Variants in TTC28 observed in about 807,000 individuals in gnomAD.
TTC28 encodes the protein tetratricopeptide repeat domain 28.
A neutral mutation model predicts 198.0 loss-of-function variants in TTC28; 61 were observed. The observed-to-expected ratio is 0.31, with a 90% confidence interval of 0.25 to 0.38. TTC28 has a LOEUF of 0.38. Among genes scored for constraint, TTC28 ranks in the 10% least tolerant of loss-of-function variants. The probability of loss-of-function intolerance (pLI) is 1.00; values close to 1 mark genes in which losing one functional copy is unlikely to be tolerated. For synonymous variants in TTC28, 1,171 were observed against 1,297.8 expected (o/e 0.90, Z 2.10); for missense variants, 2,678 against 3,164.0 (o/e 0.85, Z 3.69).
intron 3 of TTC28, among the ~76,000 whole-genome samples, chr22:28,305,960 T>A (rs1027595469): frequency 9.2e-5 from 14 of 152,166 alleles, no homozygotes; most frequent in African/African-American, 3.4e-4. Flanking sequence ...CTGGTATCTG[T>A]CTTGTTTTTT....
At chr22:28,487,792 T>C (rs2048330244) in intron 2 of TTC28, among the ~76,000 whole-genome samples, 3 of 152,200 alleles carry the variant, frequency 2.0e-5, no homozygotes, top group Non-Finnish European at 2.9e-5. Context: ...TTATGACTTA[T>C]AAAGCCAAGT....
chr22:28,378,071 G>A (rs966271662), intron 2 of TTC28, among the ~76,000 whole-genome samples: 1 of 152,210 alleles, frequency 6.6e-6, no homozygotes, highest in Non-Finnish European at 1.5e-5. Context: ...GCCAGGTGAG[G>A]TGGCTCACGC....
intron 5 of TTC28, among the ~76,000 whole-genome samples, chr22:28,266,266 T>G (rs1931678923): frequency 6.6e-6 from 1 of 152,152 alleles, no homozygotes; most frequent in Non-Finnish European, 1.5e-5. Flanking sequence ...CTAGTCACTC[T>G]TAGTCCCGTT....
At chr22:28,405,882 G>T (rs1358391186) in intron 2 of TTC28, among the ~76,000 whole-genome samples, 1 of 152,224 alleles carries the variant, frequency 6.6e-6, no homozygotes, top group African/African-American at 2.4e-5. Flanking sequence ...TTAAAAGTGG[G>T]TATAAATATG....
intron 5 of TTC28, among the ~76,000 whole-genome samples, chr22:28,185,971 T>C (rs1224839098): frequency 6.6e-6 from 1 of 152,104 alleles, no homozygotes; most frequent in Non-Finnish European, 1.5e-5. Flanking sequence ...AAACAAAAAA[T>C]GAGAAAGAAG....
At chr22:28,603,937 T>A (rs1324778007) in intron 2 of TTC28, among the ~76,000 whole-genome samples, 2 of 152,172 alleles carry the variant, frequency 1.3e-5, no homozygotes, top group African/African-American at 2.4e-5. Context: ...TAATTTTATT[T>A]AAGTGTATTG....
chr22:28,086,426 C>G (rs1265750931), intron 12 of TTC28, among the ~76,000 whole-genome samples: 1 of 152,046 alleles, frequency 6.6e-6, no homozygotes, highest in Admixed American at 6.6e-5. Flanking sequence ...GGGTACATAA[C>G]AAAATGAAGG....
chr22:28,388,162 C>G (rs1057437445), intron 2 of TTC28, among the ~76,000 whole-genome samples: 3 of 152,050 alleles, frequency 2.0e-5, no homozygotes, highest in Non-Finnish European at 2.9e-5. Context: ...TGTAGATATG[C>G]GGCGTTATTT....
Position 28,503,372 on chromosome 22 carries a change from T to C in TTC28, c.381+126180A>G, listed in dbSNP as rs113618007. Among the ~76,000 whole-genome samples the C allele has an allele frequency of 5.9e-5, 9 of 152,320 alleles. 1 individual carries two copies. The highest frequency in any genetic ancestry group is 1.9e-4 in the African/African-American group (8 of 41,578). Reference sequence around the variant, plus strand: ...ATTAGTTTAATATCTGGCTCCCTCTTAGGATATATGTACCATGGGTTTTCG... The same window carrying C: ...ATTAGTTTAATATCTGGCTCCCTCTCAGGATATATGTACCATGGGTTTTCG... On this transcript the variant is annotated intron_variant, in intron 2 of 22. Coordinates refer to ENST00000397906, the MANE Select transcript of TTC28 (RefSeq NM_001145418.2).
rs1449742810 is a variant in TTC28 at position 28,105,817 on chromosome 22, A to G, written c.2784-15T>C. On this transcript the variant is annotated splice_polypyrimidine_tract_variant and intron_variant, in intron 7 of 22. Coordinates refer to ENST00000397906, the MANE Select transcript of TTC28 (RefSeq NM_001145418.2). ...TCCCCATTGCCCTGTGGGGATGTAG[A>G]CAGAAAAGCAATGATATTATTTCAT... 2.0e-6 allele frequency: 3 copies of G among 1,534,334 alleles called. No homozygotes were observed. Among genetic ancestry groups the G allele is most frequent in the Middle Eastern group, 3.4e-4 (2 of 5,860 alleles).
At chr22:28,576,814 T>G (rs376277554) in intron 2 of TTC28, among the ~76,000 whole-genome samples, 1 of 152,120 alleles carries the variant, frequency 6.6e-6, no homozygotes, top group Admixed American at 6.5e-5. Flanking sequence ...ATTTCTGCAG[T>G]ATCAGATGTA....
chr22:28,424,319 C>A (rs1432027205), intron 2 of TTC28, among the ~76,000 whole-genome samples: 2 of 152,040 alleles, frequency 1.3e-5, no homozygotes, highest in Non-Finnish European at 2.9e-5. Flanking sequence ...GAAACAAAAC[C>A]CTCTACTCCT....
chr22:28,295,802 G>C (rs2044883116), intron 5 of TTC28, among the ~76,000 whole-genome samples: 2 of 152,096 alleles, frequency 1.3e-5, no homozygotes, highest in African/African-American at 4.8e-5. Flanking sequence ...ATCCACCAAA[G>C]CAACAATGTA....
At chr22:28,324,288 CA>C (rs1569260483) in intron 2 of TTC28, among the ~76,000 whole-genome samples, 1 of 151,816 alleles carries the variant, frequency 6.6e-6, no homozygotes. Context: ...CCTGTCTCTG[CA>C]AAAAATTCTA....
At chr22:27,997,992 T>C (rs1209445165) in intron 16 of TTC28, 1 of 156,742 alleles carries the variant, frequency 6.4e-6, no homozygotes, top group African/African-American at 2.4e-5. Context: ...CTAGACCCTC[T>C]GGGCAGGTCC....
At chr22:28,288,926 A>G (rs2044737687) in intron 5 of TTC28, among the ~76,000 whole-genome samples, 1 of 152,158 alleles carries the variant, frequency 6.6e-6, no homozygotes, top group Non-Finnish European at 1.5e-5. Context: ...CCACTATCCT[A>G]TATTGGAAAG....
intron 2 of TTC28, among the ~76,000 whole-genome samples, chr22:28,441,160 G>A (rs980731402): frequency 6.6e-6 from 1 of 152,144 alleles, no homozygotes; most frequent in Non-Finnish European, 1.5e-5. Flanking sequence ...TAATACTTCC[G>A]TGGTTCAAGC....
chr22:28,295,971 G>C (rs181813947), intron 5 of TTC28, among the ~76,000 whole-genome samples: 1 of 152,196 alleles, frequency 6.6e-6, no homozygotes, highest in East Asian at 1.9e-4. Flanking sequence ...CTGTTAGATC[G>C]TGAGGTCAAG....
intron 2 of TTC28, among the ~76,000 whole-genome samples, chr22:28,307,911 T>C (rs1372821854): frequency 6.6e-6 from 1 of 152,150 alleles, no homozygotes; most frequent in Non-Finnish European, 1.5e-5. Context: ...AAAAATTTTA[T>C]ATTACAAATG....
Sources: allele counts gnomAD v4.1 joint callset (sites outside exome capture counted in the v4.1 genomes callset), GRCh38; gene constraint gnomAD v4.1.1; transcripts MANE v1.5; gene names NCBI Gene and HGNC (gene_info 2026-07-23, HGNC 2026-07-21).